Variants in PCDH9 observed in about 807,000 individuals in gnomAD.
PCDH9 encodes protocadherin 9.
In PCDH9, 24 loss-of-function variants were observed where a neutral mutation model predicts 70.6. The ratio of observed to expected loss-of-function variants is 0.34; its 90% CI spans 0.25 to 0.48. PCDH9 has a LOEUF of 0.48. PCDH9 is among the 20% of genes least tolerant of loss of function. The probability of loss-of-function intolerance (pLI) is 0.99; values close to 1 mark genes in which losing one functional copy is unlikely to be tolerated. For missense variants in PCDH9, 1,281 were observed against 1,503.6 expected (o/e 0.85, Z 2.45); for synonymous variants, 562 against 558.5 (o/e 1.01, Z -0.09).
chr13:66,753,913 A>G (rs943415593), intron 3 of PCDH9, among the ~76,000 whole-genome samples: 15 of 152,248 alleles, frequency 9.9e-5, no homozygotes, highest in Non-Finnish European at 2.2e-4. Context: ...TTGTAATAAC[A>G]TTAATACTGA....
chr13:66,894,999 G>C (rs1460447704), intron 3 of PCDH9, among the ~76,000 whole-genome samples: 1 of 151,834 alleles, frequency 6.6e-6, no homozygotes, highest in Non-Finnish European at 1.5e-5. Flanking sequence ...GTAGAGACAG[G>C]GTTTCACCAT....
rs183911966 is a variant in PCDH9, at chr13:66,760,758, T to G, written c.3139-129347A>C. ...CAAAAGCGAATAGGAGAAATATCAC[T>G]GAATTATTTTTCTCAGCAAGGAACA... is the stretch of plus-strand genomic sequence containing the variant. On this transcript the variant is annotated intron_variant, in intron 3 of 4. Transcript: ENST00000377865. Among the ~76,000 whole-genome samples the G allele has an allele frequency of 3.8e-3, 576 of 152,240 alleles. 2 individuals carry two copies. The highest frequency in any genetic ancestry group is 6.7e-3 in the Non-Finnish European group (458 of 68,018).
intron 4 of PCDH9, among the ~76,000 whole-genome samples, chr13:66,463,824 C>A (rs1366368645): frequency 6.6e-6 from 1 of 151,670 alleles, no homozygotes; most frequent in Non-Finnish European, 1.5e-5. Context: ...CTCAAAGGTA[C>A]AATTAGTCAT....
intron 3 of PCDH9, among the ~76,000 whole-genome samples, chr13:66,891,437 G>C (rs1413382165): frequency 6.6e-6 from 1 of 151,970 alleles, no homozygotes; most frequent in Non-Finnish European, 1.5e-5. Context: ...TAAACATCCT[G>C]TGAAATTTTG....
chr13:66,926,580 T>C (rs2082721380), intron 2 of PCDH9, among the ~76,000 whole-genome samples: 1 of 152,056 alleles, frequency 6.6e-6, no homozygotes, highest in Non-Finnish European at 1.5e-5. Flanking sequence ...TATAATAACA[T>C]GGGCATGAGC....
chr13:66,383,401 G>C (rs9529055), intron 4 of PCDH9, among the ~76,000 whole-genome samples: 1 of 151,872 alleles, frequency 6.6e-6, no homozygotes, highest in African/African-American at 2.4e-5. Flanking sequence ...GCTCAGAAAC[G>C]TATCTCCTCC....
intron 4 of PCDH9, among the ~76,000 whole-genome samples, chr13:66,353,906 C>A (rs1415878619): frequency 6.6e-6 from 1 of 152,128 alleles, no homozygotes; most frequent in Non-Finnish European, 1.5e-5. Flanking sequence ...TGGCACTAGT[C>A]AGTCACTAGG....
chr13:66,639,859 C>A (rs1398505866), intron 3 of PCDH9, among the ~76,000 whole-genome samples: 2 of 152,094 alleles, frequency 1.3e-5, no homozygotes, highest in African/African-American at 2.4e-5. Flanking sequence ...CAACCTATTT[C>A]TCATTGCCCA....
chr13:66,700,059 A>G (rs1314840984), intron 3 of PCDH9, among the ~76,000 whole-genome samples: 2 of 152,162 alleles, frequency 1.3e-5, no homozygotes, highest in South Asian at 2.1e-4. Context: ...TGTACAAGAC[A>G]TCTGTCCCTG....
chr13:66,376,835 G>T (rs1956755903), intron 4 of PCDH9, among the ~76,000 whole-genome samples: 1 of 152,108 alleles, frequency 6.6e-6, no homozygotes, highest in African/African-American at 2.4e-5. Flanking sequence ...CATTAAAAAA[G>T]ATGGGCAAAT....
At chr13:66,607,096 C>G (rs986245973) in intron 4 of PCDH9, among the ~76,000 whole-genome samples, 4 of 151,944 alleles carry the variant, frequency 2.6e-5, no homozygotes, top group African/African-American at 9.7e-5. Flanking sequence ...ATACTATTTC[C>G]TAAATATAAA....
intron 4 of PCDH9, among the ~76,000 whole-genome samples, chr13:66,506,560 A>T (rs1004953597): frequency 6.6e-6 from 1 of 152,214 alleles, no homozygotes; most frequent in Non-Finnish European, 1.5e-5. Context: ...AAACTCAGTA[A>T]GTAAAGACAC....
At chr13:66,729,321 C>T (rs1215037375) in intron 3 of PCDH9, among the ~76,000 whole-genome samples, 1 of 152,066 alleles carries the variant, frequency 6.6e-6, no homozygotes, top group Non-Finnish European at 1.5e-5. Context: ...TTGGATCAGG[C>T]TCTTATTATT....
At chr13:66,565,926 A>C (rs1944728726) in intron 4 of PCDH9, among the ~76,000 whole-genome samples, 1 of 152,162 alleles carries the variant, frequency 6.6e-6, no homozygotes, top group South Asian at 2.1e-4. Context: ...AAAGAGCCTA[A>C]ATAAAACAAG....
chr13:66,861,667 C>T (rs948586609), intron 3 of PCDH9, among the ~76,000 whole-genome samples: 3 of 152,128 alleles, frequency 2.0e-5, no homozygotes, highest in Non-Finnish European at 4.4e-5. Context: ...ACAGTAAATG[C>T]CTCCAGTGGG....
chr13:66,429,524 T>A (rs1459419194), intron 4 of PCDH9, among the ~76,000 whole-genome samples: 1 of 151,374 alleles, frequency 6.6e-6, no homozygotes, highest in Non-Finnish European at 1.5e-5. Flanking sequence ...AATAAATATG[T>A]TAGGAAATGA....
chr13:66,357,623 T>C (rs1566266702), intron 4 of PCDH9, among the ~76,000 whole-genome samples: 1 of 152,092 alleles, frequency 6.6e-6, no homozygotes. Flanking sequence ...TCTTAGTTGC[T>C]TAATTGGATA....
At chr13:66,724,372 C>T (rs946313463) in intron 3 of PCDH9, among the ~76,000 whole-genome samples, 11 of 152,080 alleles carry the variant, frequency 7.2e-5, no homozygotes, top group African/African-American at 2.7e-4. Context: ...AAAACCATAC[C>T]CCTGCTTCAT....
At chr13:66,344,006 C>T (rs1374721832) in intron 4 of PCDH9, among the ~76,000 whole-genome samples, 4 of 152,010 alleles carry the variant, frequency 2.6e-5, no homozygotes, top group African/African-American at 9.7e-5. Flanking sequence ...CAAAGTATCC[C>T]TTAGAAAAGG....
Sources: gnomAD v4.1 joint callset for allele counts (sites outside exome capture counted in the v4.1 genomes callset) on GRCh38, gnomAD v4.1.1 for gene constraint, MANE v1.5 for transcripts, NCBI Gene and HGNC (gene_info 2026-07-23, HGNC 2026-07-21) for gene names.